The following MERTK variants were observed in gnomAD, a reference collection of about 807,000 sequenced individuals.
The protein encoded by MERTK is MER proto-oncogene, tyrosine kinase, also known as tyrosine-protein kinase Mer.
In MERTK, 69 loss-of-function variants were observed where a neutral mutation model predicts 99.3. The ratio of observed to expected loss-of-function variants is 0.70; its 90% CI spans 0.57 to 0.85. The LOEUF (loss-of-function observed/expected upper bound fraction) is 0.85, where lower values mean the gene tolerates loss of function less well. MERTK is among the 40% of genes least tolerant of loss of function. The pLI, the probability that MERTK is intolerant of heterozygous loss-of-function variation, is 0.00. For synonymous variants in MERTK, 426 were observed against 467.6 expected (o/e 0.91, Z 1.15); for missense variants, 1,125 against 1,249.4 (o/e 0.90, Z 1.50).
Position 111,898,653 on chromosome 2 carries a change from C to T in MERTK, c.-83C>T. ...CCGCCCGGACAGGGAGCTTCGCTGG[C>T]GCGCTTGGCCGGCGACAGGACAGGT... On this transcript the variant is annotated 5_prime_UTR_variant, in exon 1 of 19. Transcript: ENST00000295408. 1 of 1,510,422 alleles carries T rather than the reference C, an allele frequency of 6.6e-7. No homozygotes were observed. The highest frequency in any genetic ancestry group is 9.0e-7 in the Non-Finnish European group (1 of 1,109,168). The allele number at this position is 1,510,422 out of a possible 1,614,324, so 93.6% of individuals were successfully genotyped here.
chr2:111,910,610 G>GTA (rs1553444752), intron 1 of MERTK, among the ~76,000 whole-genome samples: 25 of 143,660 alleles, frequency 1.7e-4, no homozygotes, highest in African/African-American at 4.1e-4. Flanking sequence ...GTGTGTGTGT[G>GTA]TATATATATA....
At chr2:111,997,561 C>A in intron 10 of MERTK, 85 bp downstream of exon 10, 1 of 1,495,834 alleles carries the variant, frequency 6.7e-7, no homozygotes. Flanking sequence ...GTTGGGCCAG[C>A]TGCTTACATT....
At chr2:111,917,032 G>T (rs887725987) in intron 1 of MERTK, among the ~76,000 whole-genome samples, 2 of 152,168 alleles carry the variant, frequency 1.3e-5, no homozygotes, top group African/African-American at 4.8e-5. Context: ...CCTCATTTCT[G>T]TTCCAATTCT....
intron 1 of MERTK, among the ~76,000 whole-genome samples, chr2:111,901,182 C>T (rs921335140): frequency 1.3e-5 from 2 of 152,002 alleles, no homozygotes; most frequent in African/African-American, 4.8e-5. Context: ...ATGAGGCAAG[C>T]GGTGGCTCTC....
chr2:111,898,830 G>C (rs1439267031), intron 1 of MERTK, 34 bp downstream of exon 1: 5 of 1,563,872 alleles, frequency 3.2e-6, no homozygotes, highest in Middle Eastern at 1.8e-4. Flanking sequence ...AGGCGAGGGG[G>C]TGGGGGCTCC....
intron 14 of MERTK, 142 bp downstream of exon 14, chr2:112,008,617 A>T (rs568539406): frequency 1.3e-6 from 1 of 765,676 alleles, no homozygotes; most frequent in South Asian, 1.4e-5. Context: ...TTTCACCCAG[A>T]CTTTTCTTCA....
intron 1 of MERTK, among the ~76,000 whole-genome samples, chr2:111,899,365 GC>G (rs1476342406): frequency 1.3e-5 from 2 of 152,208 alleles, no homozygotes; most frequent in African/African-American, 4.8e-5. Context: ...CTCCCAATGG[GC>G]CCTTACGGGC....
intron 15 of MERTK, among the ~76,000 whole-genome samples, chr2:112,011,288 G>A (rs1288403284): frequency 6.6e-6 from 1 of 152,162 alleles, no homozygotes; most frequent in African/African-American, 2.4e-5. Flanking sequence ...CACTGGCTCT[G>A]CAGACAAAAC....
At chr2:111,986,570 T>A (rs1031988213) in intron 8 of MERTK, among the ~76,000 whole-genome samples, 24 of 152,244 alleles carry the variant, frequency 1.6e-4, no homozygotes, top group African/African-American at 5.8e-4. Flanking sequence ...CGAGGCGTTC[T>A]GAAGGGCAGC....
At chr2:111,977,025 T>A (rs918435355) in intron 7 of MERTK, among the ~76,000 whole-genome samples, 2 of 152,174 alleles carry the variant, frequency 1.3e-5, no homozygotes, top group East Asian at 3.8e-4. Flanking sequence ...ACACTGTTGT[T>A]ATTTTTGTTC....
chr2:111,968,161 TCAGCATCCGTAA>T lies in MERTK; in HGVS notation c.875_886del (p.Ile292_Ser295del). On this transcript the variant is annotated inframe_deletion, in exon 6 of 19. Transcript: ENST00000295408. The stretch of plus-strand genomic sequence containing the variant: ...GCAATTCCCTCCCCACCAACTGAAG[TCAGCATCCGTAA>T]CAGCACTGCACACAGCATTCTGATC... 6.2e-7 allele frequency: 1 copy of T among 1,613,932 alleles called. No individual in the cohort carries two copies. The highest frequency in any genetic ancestry group is 1.6e-4 in the Middle Eastern group (1 of 6,062).
chr2:111,902,048 G>A (rs6541943), intron 1 of MERTK, among the ~76,000 whole-genome samples: 2,789 of 152,186 alleles, frequency 0.018, 79 homozygotes, highest in African/African-American at 0.063. Context: ...ACCACGCCTG[G>A]CTAATTTTGT....
chr2:111,993,495 A>G (rs1398322468), intron 8 of MERTK, among the ~76,000 whole-genome samples: 1 of 152,208 alleles, frequency 6.6e-6, no homozygotes, highest in Non-Finnish European at 1.5e-5. Context: ...AGATAAAGAC[A>G]TGTTCCTAGA....
At chr2:111,919,407 G>C (rs988188511) in intron 1 of MERTK, among the ~76,000 whole-genome samples, 1 of 152,102 alleles carries the variant, frequency 6.6e-6, no homozygotes, top group African/African-American at 2.4e-5. Context: ...ATAAATTCAA[G>C]CCCTGGGTGG....
chr2:111,978,593 T>C (rs1676304085), intron 7 of MERTK, among the ~76,000 whole-genome samples: 1 of 152,170 alleles, frequency 6.6e-6, no homozygotes, highest in Non-Finnish European at 1.5e-5. Context: ...TAGGGGATTA[T>C]AGGCATGAGC....
chr2:111,943,836 A>C (rs112402486), intron 2 of MERTK, among the ~76,000 whole-genome samples: 26 of 152,216 alleles, frequency 1.7e-4, no homozygotes, highest in African/African-American at 5.8e-4. Context: ...ATTAGGGTCT[A>C]GTCTCAGGAG....
chr2:111,956,787 A>C (rs1685155593), intron 4 of MERTK, among the ~76,000 whole-genome samples: 1 of 151,992 alleles, frequency 6.6e-6, no homozygotes, highest in Non-Finnish European at 1.5e-5. Context: ...TCAGCGCCCC[A>C]AGTAGCTAGG....
chr2:111,975,975 T>G (rs543843801), intron 7 of MERTK, among the ~76,000 whole-genome samples: 10 of 151,082 alleles, frequency 6.6e-5, no homozygotes, highest in African/African-American at 2.4e-4. Context: ...AGCCTTTAGA[T>G]GCCAATCACA....
Position 112,017,323 on chromosome 2 carries a change from C to T in MERTK, c.2080-2090C>T, listed in dbSNP as rs936030590. Among the ~76,000 whole-genome samples, 37 of 152,124 alleles carry T rather than the reference C, an allele frequency of 2.4e-4. 1 individual carries two copies. The highest frequency in any genetic ancestry group is 2.0e-3 in the Admixed American group (31 of 15,262). ...GCATTTACAATCCTTTAGCTAGACA[C>T]GGAGCACTGATTGGTGCATTTACAA... On this transcript the variant is annotated intron_variant, in intron 15 of 18. Transcript: ENST00000295408.
Sources: allele counts gnomAD v4.1 joint callset (sites outside exome capture counted in the v4.1 genomes callset), GRCh38; gene constraint gnomAD v4.1.1; transcripts MANE v1.5; gene names NCBI Gene and HGNC (gene_info 2026-07-23, HGNC 2026-07-21).